Variants in TAF2 observed in about 807,000 individuals in gnomAD.
TAF2 encodes transcription initiation factor TFIID subunit 2.
TAF2 carries 61 observed loss-of-function variants against 138.5 expected under a neutral mutation model. The ratio of observed to expected loss-of-function variants is 0.44; its 90% CI spans 0.36 to 0.54. TAF2 has a LOEUF of 0.54. Among genes scored for constraint, TAF2 ranks in the 20% least tolerant of loss-of-function variants. The pLI is 0.00. For synonymous variants in TAF2, 475 were observed against 469.9 expected (o/e 1.01, Z -0.14); for missense variants, 1,090 against 1,427.9 (o/e 0.76, Z 3.81).
chr8:119,781,299 C>T (rs1822635162), intron 16 of TAF2, 106 bp from the exon 17 acceptor site: 2 of 1,236,708 alleles, frequency 1.6e-6, no homozygotes, highest in East Asian at 5.0e-5. Flanking sequence ...ATTGGGTTTT[C>T]AACAACTTCA....
At chr8:119,738,725 A>T (rs950638848) in intron 25 of TAF2, among the ~76,000 whole-genome samples, 45 of 152,270 alleles carry the variant, frequency 3.0e-4, no homozygotes, top group African/African-American at 9.6e-4. Flanking sequence ...ATGTAAGTCT[A>T]ATGTGGAAGG....
chr8:119,803,299 T>C (rs1824390557), intron 5 of TAF2, among the ~76,000 whole-genome samples: 1 of 152,200 alleles, frequency 6.6e-6, no homozygotes, highest in Non-Finnish European at 1.5e-5. Context: ...TGTATGTATG[T>C]TTTACTTCAA....
rs1384544272 is a variant in TAF2 at position 119,795,514 on chromosome 8, G to A, written c.1191+18C>T. ...GACATAAGACTTGTAAGTGGATAAGGGATCTAGCTGTTATTACCTCTTTAA... is the reference window on the plus strand; with the variant it reads ...GACATAAGACTTGTAAGTGGATAAGAGATCTAGCTGTTATTACCTCTTTAA... On this transcript the variant is annotated intron_variant, in intron 9 of 25. Transcript: ENST00000378164. The A allele has an allele frequency of 6.3e-7, 1 of 1,590,190 alleles. No homozygotes were observed. Among genetic ancestry groups the A allele is most frequent in the Non-Finnish European group, 8.6e-7 (1 of 1,158,542 alleles).
intron 18 of TAF2, among the ~76,000 whole-genome samples, chr8:119,772,618 G>A (rs1391474791): frequency 6.6e-6 from 1 of 151,980 alleles, no homozygotes; most frequent in African/African-American, 2.4e-5. Flanking sequence ...ATTTTTAAAA[G>A]ATACACAATA....
Position 119,746,725 on chromosome 8 carries a change from G to T in TAF2, c.3088C>A (p.Leu1030Ile), listed in dbSNP as rs754592049. 6.8e-6 allele frequency: 11 copies of T among 1,613,972 alleles called. No individual in the cohort carries two copies. In the East Asian group the frequency reaches 2.2e-4, roughly 33 times the overall value. ...AANNPSSHPQLVGFQNPFSSS... is the reference protein window; with the variant it reads ...AANNPSSHPQIVGFQNPFSSS... Reference sequence around the variant, plus strand: ...CTTACAGGGTTCTGAAATCCAACTAGCTGTGGGTGACTGCTTGGATTATTT... The same window carrying T: ...CTTACAGGGTTCTGAAATCCAACTATCTGTGGGTGACTGCTTGGATTATTT... Residue 1030 changes from leucine (L) to isoleucine (I), a missense_variant, in exon 23 of 26, where the codon CTA becomes ATA. Leu to Ile is a conservative substitution (Grantham distance 5). Coordinates refer to ENST00000378164, the MANE Select transcript of TAF2 (RefSeq NM_003184.4).
chr8:119,818,091 TG>T (rs1157799026), intron 3 of TAF2, among the ~76,000 whole-genome samples: 1 of 152,238 alleles, frequency 6.6e-6, no homozygotes, highest in Non-Finnish European at 1.5e-5. Context: ...CAATGATTAT[TG>T]GGACCATAAA....
In TAF2 at chr8:119,802,038, T is replaced by C. The variant is rs1586480971; in HGVS notation, c.561-13A>G. 3.8e-6 allele frequency: 6 copies of C among 1,596,710 alleles called. No individual in the cohort carries two copies. The highest frequency in any genetic ancestry group is 1.1e-5 in the South Asian group (1 of 90,406). ...AGGGAACCAAAATCTAGAAAAAAGATTGACAGTATAGAAAATGTATTCAAA... is the reference window on the plus strand; with the variant it reads ...AGGGAACCAAAATCTAGAAAAAAGACTGACAGTATAGAAAATGTATTCAAA... On this transcript the variant is annotated splice_polypyrimidine_tract_variant and intron_variant, in intron 5 of 25. Transcript: ENST00000378164.
At position 119,788,854 on chromosome 8, in the gene TAF2, T is replaced by C; in HGVS notation, c.1619A>G (p.Lys540Arg). Residue 540 changes from lysine to arginine, a missense_variant, in exon 13 of 26, where the codon AAA becomes AGA. Coordinates refer to ENST00000378164, the MANE Select transcript of TAF2 (RefSeq NM_003184.4). ...KFYGSFAFNR[K>R]RNVLELEIKQ... ...TATTTCCAGTTCCAAGACATTTCGTTTTCTATTAAATGCAAAACTTCCATA... is the reference window on the plus strand; with the variant it reads ...TATTTCCAGTTCCAAGACATTTCGTCTTCTATTAAATGCAAAACTTCCATA... 3 of 1,613,974 alleles carry C rather than the reference T, an allele frequency of 1.9e-6. No homozygotes were observed. Among genetic ancestry groups the C allele is most frequent in the Non-Finnish European group, 2.5e-6 (3 of 1,179,914 alleles).
intron 5 of TAF2, 25 bp downstream of exon 5, chr8:119,803,853 A>C: frequency 6.3e-7 from 1 of 1,585,868 alleles, no homozygotes; most frequent in South Asian, 1.2e-5. Context: ...AAATTAATTG[A>C]AATATTTAAG....
intron 25 of TAF2, among the ~76,000 whole-genome samples, chr8:119,736,499 G>A (rs1389936954): frequency 1.3e-5 from 2 of 152,162 alleles, no homozygotes; most frequent in Non-Finnish European, 2.9e-5. Context: ...GTGATAGACT[G>A]AAAATGACTG....
intron 9 of TAF2, among the ~76,000 whole-genome samples, chr8:119,794,968 T>A (rs567478721): frequency 6.6e-6 from 1 of 152,194 alleles, no homozygotes; most frequent in East Asian, 1.9e-4. Context: ...GATTAAAATG[T>A]TTATGTATAT....
chr8:119,772,306 C>A (rs997190347), intron 18 of TAF2, among the ~76,000 whole-genome samples: 4 of 152,174 alleles, frequency 2.6e-5, no homozygotes, highest in African/African-American at 7.2e-5. Context: ...TGTGCAGCAA[C>A]ATGACTGCAG....
intron 2 of TAF2, among the ~76,000 whole-genome samples, chr8:119,823,466 T>C (rs562073343): frequency 2.7e-5 from 4 of 150,126 alleles, no homozygotes; most frequent in African/African-American, 9.9e-5. Context: ...AAAACGGGAA[T>C]TTTTCTGCAC....
At chr8:119,735,294 TC>T (rs1201172455) in intron 25 of TAF2, among the ~76,000 whole-genome samples, 12 of 152,082 alleles carry the variant, frequency 7.9e-5, no homozygotes, top group Non-Finnish European at 1.8e-4. Context: ...CCCCGCCCCC[TC>T]TAACAAAGCT....
intron 2 of TAF2, among the ~76,000 whole-genome samples, chr8:119,821,810 G>C (rs1825820915): frequency 6.6e-6 from 1 of 152,112 alleles, no homozygotes; most frequent in African/African-American, 2.4e-5. Flanking sequence ...GCTGAGGCAG[G>C]AGGACTGCTT....
At chr8:119,821,458 A>C (rs1425216084) in intron 2 of TAF2, among the ~76,000 whole-genome samples, 1 of 152,182 alleles carries the variant, frequency 6.6e-6, no homozygotes, top group Non-Finnish European at 1.5e-5. Flanking sequence ...CTAGACAAGA[A>C]GCTACTTACT....
intron 14 of TAF2, among the ~76,000 whole-genome samples, chr8:119,787,953 C>T (rs1018844029): frequency 2.0e-5 from 3 of 152,142 alleles, no homozygotes; most frequent in Admixed American, 1.3e-4. Flanking sequence ...ATGGACGAAG[C>T]TGGAAACCAT....
At position 119,731,660 on chromosome 8, in the gene TAF2, G is replaced by A; in HGVS notation, c.*264C>T. 2.1e-6 allele frequency: 1 copy of A among 481,752 alleles called. No individual in the cohort carries two copies. Among genetic ancestry groups the A allele is most frequent in the Non-Finnish European group, 3.8e-6 (1 of 264,218 alleles). The allele number at this position is 481,752 out of a possible 1,614,324, so 29.8% of individuals were successfully genotyped here. On this transcript the variant is annotated 3_prime_UTR_variant, in exon 26 of 26. Coordinates refer to ENST00000378164, the MANE Select transcript of TAF2 (RefSeq NM_003184.4). ...TGCCAGTGGATATGAGGGCTTTTAT[G>A]AAAGGGAGTTTGCTCTGTGTGTGTG...
At chr8:119,812,814 C>T (rs1315864918) in intron 3 of TAF2, among the ~76,000 whole-genome samples, 2 of 32 alleles carry the variant, frequency 0.062, no homozygotes, top group Non-Finnish European at 0.11. Flanking sequence ...ACATACACCA[C>T]ACATACACAC....
Sources: allele counts gnomAD v4.1 joint callset (sites outside exome capture counted in the v4.1 genomes callset), GRCh38; gene constraint gnomAD v4.1.1; transcripts MANE v1.5; gene names NCBI Gene and HGNC (gene_info 2026-07-23, HGNC 2026-07-21).